Variants in ORC4 observed in about 807,000 individuals in gnomAD.
ORC4 encodes origin recognition complex, subunit 4 homolog.
Under a neutral mutation model 63.9 loss-of-function variants are expected in ORC4, and 55 were observed. That is an observed-to-expected ratio of 0.86 (90% confidence interval 0.69 to 1.08). The LOEUF (loss-of-function observed/expected upper bound fraction) is 1.08, where lower values mean the gene tolerates loss of function less well. Ranked by LOEUF, ORC4 falls within the 50% of genes least tolerant of loss-of-function variation. ORC4 has a pLI of 0.00. For missense variants in ORC4, 511 were observed against 504.4 expected (o/e 1.01, Z -0.13); for synonymous variants, 150 against 168.5 (o/e 0.89, Z 0.85).
At chr2:147,956,797 T>TA (rs1573783364) in intron 6 of ORC4, among the ~76,000 whole-genome samples, 1 of 152,124 alleles carries the variant, frequency 6.6e-6, no homozygotes, top group Middle Eastern at 3.4e-3. Flanking sequence ...AACAGAATGA[T>TA]AAAAAATTGT....
At chr2:148,000,602 T>TAGGAAAC (rs1420920775) in intron 1 of ORC4, among the ~76,000 whole-genome samples, 1 of 151,914 alleles carries the variant, frequency 6.6e-6, no homozygotes, top group Admixed American at 6.6e-5. Context: ...ACATAGGATA[T>TAGGAAAC]AGGAAACAGA....
rs1191653857 is a variant in ORC4 at position 147,930,482 on chromosome 2, T to C, written c.*5028A>G. 3 of 152,420 alleles carry C rather than the reference T, an allele frequency of 2.0e-5. No homozygotes were observed. The highest frequency in any genetic ancestry group is 2.9e-5 in the Non-Finnish European group (2 of 67,970). 9.4% of individuals were successfully genotyped at this position (152,420 alleles called of 1,614,324 possible). A position where few individuals can be genotyped will look rare whatever the true frequency, so the allele number is the denominator to read the frequency against. On this transcript the variant is annotated 3_prime_UTR_variant, in exon 14 of 14. Transcript: ENST00000392857. ...ATATGCATAAAATTATTTATCCATT[T>C]ATGGGCAAAATGATACAAGTAGCAT...
At chr2:147,995,100 C>T (rs999605320) in intron 1 of ORC4, among the ~76,000 whole-genome samples, 7 of 151,774 alleles carry the variant, frequency 4.6e-5, no homozygotes, top group African/African-American at 9.7e-5. Context: ...CACCAATCAG[C>T]GCTCTGTGTC....
intron 4 of ORC4, among the ~76,000 whole-genome samples, chr2:147,968,284 A>T (rs1005863742): frequency 2.0e-5 from 3 of 152,118 alleles, no homozygotes; most frequent in Non-Finnish European, 4.4e-5. Context: ...ATAAAAAAAT[A>T]GACAAATCTG....
chr2:147,951,244 A>T (rs971291220), intron 8 of ORC4, among the ~76,000 whole-genome samples: 12 of 152,200 alleles, frequency 7.9e-5, no homozygotes, highest in African/African-American at 2.9e-4. Context: ...TGTGCCTGAC[A>T]CATCTGCCGA....
At chr2:147,962,262 A>G (rs932984596) in intron 4 of ORC4, among the ~76,000 whole-genome samples, 3 of 152,182 alleles carry the variant, frequency 2.0e-5, no homozygotes, top group Non-Finnish European at 2.9e-5. Flanking sequence ...AGAATCCCAT[A>G]GTCCTAGCAA....
In ORC4 at chr2:147,938,141, CT is replaced by C; in HGVS notation, c.1122+4del. On this transcript the variant is annotated splice_donor_region_variant and intron_variant, in intron 13 of 13. Coordinates refer to ENST00000392857, the MANE Select transcript of ORC4 (RefSeq NM_181741.4). The stretch of plus-strand genomic sequence containing the variant: ...GTAGAAAAATGACAGCAAACTAAAT[CT>C]TACCTTCATGACAACAGGTTTTTCA... 1 of 1,596,846 alleles carries C rather than the reference CT, an allele frequency of 6.3e-7. No individual in the cohort carries two copies. The highest frequency in any genetic ancestry group is 1.1e-5 in the South Asian group (1 of 90,682).
intron 13 of ORC4, among the ~76,000 whole-genome samples, chr2:147,935,944 TAA>T (rs2105248646): frequency 6.6e-6 from 1 of 152,288 alleles, no homozygotes; most frequent in Admixed American, 6.5e-5. Context: ...CGGCAAACTT[TAA>T]TTCAATATAT....
At position 147,938,201 on chromosome 2, in the gene ORC4, A is replaced by C; in HGVS notation, c.1067T>G (p.Phe356Cys). 2 of 1,612,514 alleles carry C rather than the reference A, an allele frequency of 1.2e-6. No homozygotes were observed. Among genetic ancestry groups the C allele is most frequent in the South Asian group, 1.1e-5 (1 of 91,050 alleles). Residue 356 changes from phenylalanine (F) to cysteine (C), a missense_variant, in exon 13 of 14, where the codon TTT becomes TGT. Physicochemically the swap from Phe to Cys is radical, Grantham distance 205. Coordinates refer to ENST00000392857, the MANE Select transcript of ORC4 (RefSeq NM_181741.4). ...FQMVYNEFQK[F>C]VQRKAHSVYN... ...AACGGAATGTGCTTTCCTTTGAACA[A>C]ACTTCTGAAACTCTGAGTAGAAAGC...
intron 6 of ORC4, among the ~76,000 whole-genome samples, chr2:147,956,049 G>A (rs991016368): frequency 4.0e-5 from 6 of 151,842 alleles, no homozygotes; most frequent in Non-Finnish European, 7.4e-5. Context: ...CATTATCCAG[G>A]TGCTCCAGAT....
intron 1 of ORC4, among the ~76,000 whole-genome samples, chr2:148,010,242 A>G (rs986766270): frequency 1.3e-5 from 2 of 152,124 alleles, no homozygotes; most frequent in African/African-American, 2.4e-5. Flanking sequence ...ATCAAAAAGT[A>G]GAAAACCAAG....
chr2:147,949,136 A>G lies in ORC4; in HGVS notation c.589-912T>C, dbSNP rs536177152. Among the ~76,000 whole-genome samples the G allele has an allele frequency of 6.6e-5, 10 of 151,044 alleles. No homozygotes were observed. In the South Asian group the frequency reaches 1.5e-3, roughly 22 times the overall value. On this transcript the variant is annotated intron_variant, in intron 8 of 13. Transcript: ENST00000392857. The stretch of plus-strand genomic sequence containing the variant: ...AGACAAATGAAACCAGATAACCACA[A>G]AAAAAGTGTATGTGAATGTTTGCAG...
At chr2:147,981,579 C>T (rs1309223021) in intron 1 of ORC4, among the ~76,000 whole-genome samples, 1 of 151,818 alleles carries the variant, frequency 6.6e-6, no homozygotes, top group Non-Finnish European at 1.5e-5. Flanking sequence ...TTTCTTACTA[C>T]AAAAAAATGG....
intron 1 of ORC4, among the ~76,000 whole-genome samples, chr2:147,980,935 C>A (rs1434585950): frequency 6.6e-6 from 1 of 152,168 alleles, no homozygotes; most frequent in African/African-American, 2.4e-5. Flanking sequence ...TACACTCCAG[C>A]ATTATTCACA....
At chr2:147,997,857 A>G (rs1692062931) in intron 1 of ORC4, among the ~76,000 whole-genome samples, 2 of 152,302 alleles carry the variant, frequency 1.3e-5, no homozygotes, top group Admixed American at 1.3e-4. Flanking sequence ...TCTAAGTGTA[A>G]ATTATGATGC....
intron 1 of ORC4, among the ~76,000 whole-genome samples, chr2:148,004,999 G>A (rs6430281): frequency 0.33 from 49,547 of 152,016 alleles, 8,334 homozygotes; most frequent in East Asian, 0.52. Context: ...ACAATGTGGC[G>A]ATTCCTCAAG....
chr2:147,980,738 AGAAAG>A (rs1216094187), intron 1 of ORC4, among the ~76,000 whole-genome samples: 3 of 152,212 alleles, frequency 2.0e-5, no homozygotes, highest in African/African-American at 7.2e-5. Context: ...AGGATTATGA[AGAAAG>A]GAAACTCTTG....
chr2:148,000,159 G>T (rs1692211784), intron 1 of ORC4, among the ~76,000 whole-genome samples: 1 of 151,740 alleles, frequency 6.6e-6, no homozygotes, highest in Admixed American at 6.6e-5. Context: ...GAAAATTAAA[G>T]AAAAAACATG....
At chr2:147,984,858 T>C (rs752328998) in intron 1 of ORC4, among the ~76,000 whole-genome samples, 2 of 152,222 alleles carry the variant, frequency 1.3e-5, no homozygotes, top group Non-Finnish European at 2.9e-5. Flanking sequence ...TATAGTTACA[T>C]GCTAACTAAA....
Sources: gnomAD v4.1 joint callset for allele counts (sites outside exome capture counted in the v4.1 genomes callset) on GRCh38, gnomAD v4.1.1 for gene constraint, MANE v1.5 for transcripts, NCBI Gene and HGNC (gene_info 2026-07-23, HGNC 2026-07-21) for gene names.